RTKN2: variants seen among roughly 807,000 people sequenced by gnomAD.
The protein encoded by RTKN2 is rhotekin-2.
RTKN2 carries 69 observed loss-of-function variants against 71.5 expected under a neutral mutation model. The observed-to-expected ratio is 0.96, with a 90% CI of 0.79 to 1.18. The LOEUF is 1.18. Among genes scored for constraint, RTKN2 ranks in the 50% most tolerant of loss-of-function variants. The probability of loss-of-function intolerance (pLI) is 0.00; values close to 1 mark genes in which losing one functional copy is unlikely to be tolerated. For synonymous variants in RTKN2, 236 were observed against 236.5 expected (o/e 1.00, Z 0.02); for missense variants, 724 against 719.7 (o/e 1.01, Z -0.07).
In RTKN2 at chr10:62,197,185, A is replaced by G. The variant is rs1393432901; in HGVS notation, c.*723T>C. ...AATGGAAATTAGCACCACACACAGA[A>G]AATTGAATGTAAAGAGCATTTCATC... On this transcript the variant is annotated 3_prime_UTR_variant, in exon 12 of 12. Transcript: ENST00000373789. 3 of 985,524 alleles carry G rather than the reference A, an allele frequency of 3.0e-6. No individual in the cohort carries two copies. The African/African-American group carries it at 5.2e-5, about 17-fold the overall frequency. 61.0% of individuals were successfully genotyped at this position (985,524 alleles called of 1,614,324 possible). A position where few individuals can be genotyped will look rare whatever the true frequency, so the allele number is the denominator to read the frequency against.
downstream of RTKN2, among the ~76,000 whole-genome samples, chr10:62,192,240 G>A (rs1841234747): frequency 6.6e-6 from 1 of 152,144 alleles, no homozygotes; most frequent in African/African-American, 2.4e-5. Flanking sequence ...GGGGGCTACT[G>A]AGAGAATATG....
chr10:62,194,257 ACT>A lies in RTKN2; in HGVS notation c.*3649_*3650del. The A allele has an allele frequency of 2.0e-6, 2 of 984,926 alleles. No homozygotes were observed. The highest frequency in any genetic ancestry group is 2.4e-6 in the Non-Finnish European group (2 of 829,486). The allele number at this position is 984,926 out of a possible 1,614,324, so 61.0% of individuals were successfully genotyped here. ...AAAGGTAACATCTTTCCCAGAGTTA[ACT>A]AAGAACATCTATGATCCAGAATATG... On this transcript the variant is annotated 3_prime_UTR_variant, in exon 12 of 12. Coordinates refer to ENST00000373789, the MANE Select transcript of RTKN2 (RefSeq NM_145307.4).
chr10:62,242,287 T>C (rs1009215781), intron 3 of RTKN2, among the ~76,000 whole-genome samples: 14 of 152,190 alleles, frequency 9.2e-5, no homozygotes, highest in Non-Finnish European at 1.8e-4. Flanking sequence ...AAAATTTCCC[T>C]TTCCCAAGTG....
At chr10:62,200,018 T>C (rs1427302120) in intron 10 of RTKN2, among the ~76,000 whole-genome samples, 157 bp from the exon 11 acceptor site, 2 of 152,164 alleles carry the variant, frequency 1.3e-5, no homozygotes, top group Admixed American at 6.6e-5. Context: ...AAAAACCTAA[T>C]ACTATCCATA....
chr10:62,235,576 G>A (rs1413995510), intron 6 of RTKN2, among the ~76,000 whole-genome samples: 1 of 151,920 alleles, frequency 6.6e-6, no homozygotes, highest in Non-Finnish European at 1.5e-5. Flanking sequence ...TTCATGTGAT[G>A]TTTGAAGTCA....
intron 1 of RTKN2, among the ~76,000 whole-genome samples, chr10:62,265,248 C>G (rs1197664106): frequency 1.3e-5 from 2 of 151,988 alleles, no homozygotes; most frequent in African/African-American, 4.8e-5. Context: ...CTGGCTGGGA[C>G]CTGGTTTTGT....
At chr10:62,223,459 A>G in intron 6 of RTKN2, 127 bp from the exon 7 acceptor site, 2 of 585,084 alleles carry the variant, frequency 3.4e-6, no homozygotes, top group South Asian at 2.4e-5. Flanking sequence ...GTGAATAGAC[A>G]TTTCTCCAAA....
Position 62,193,778 on chromosome 10 carries a change from G to T in RTKN2, c.*4130C>A. ...TCTGGATCACTAAACTAAAAGTAAG[G>T]TTATGTCAATGGATTTTTAAAAGAG... On this transcript the variant is annotated 3_prime_UTR_variant, in exon 12 of 12. Transcript: ENST00000373789. 2.0e-6 allele frequency: 2 copies of T among 984,598 alleles called. No homozygotes were observed. Among genetic ancestry groups the T allele is most frequent in the Non-Finnish European group, 2.4e-6 (2 of 829,240 alleles). The allele number at this position is 984,598 out of a possible 1,614,324, so 61.0% of individuals were successfully genotyped here. A position where few individuals can be genotyped will look rare whatever the true frequency, so the allele number is the denominator to read the frequency against.
rs182177181 is a variant in RTKN2 at position 62,215,069 on chromosome 10, C to T, written c.1020+2049G>A. On this transcript the variant is annotated intron_variant, in intron 9 of 11. Transcript: ENST00000373789. ...TATGGCGAGTTGAATTCCTTCGAGA[C>T]TGTCTTCAAATAAAACTAATGACTT... is the stretch of plus-strand genomic sequence containing the variant. The T allele has an allele frequency of 8.2e-5, 125 of 1,520,870 alleles. No individual in the cohort carries two copies. In the African/African-American group the frequency reaches 1.6e-3, roughly 19 times the overall value. 94.2% of individuals were successfully genotyped at this position (1,520,870 alleles called of 1,614,324 possible). A position where few individuals can be genotyped will look rare whatever the true frequency, so the allele number is the denominator to read the frequency against.
At chr10:62,214,913 C>G (rs1841735293) in intron 9 of RTKN2, 1 of 516,188 alleles carries the variant, frequency 1.9e-6, no homozygotes, top group Admixed American at 4.0e-5. Context: ...AAAGGGTGAG[C>G]CATATAATTT....
At chr10:62,223,449 G>T (rs983660618) in intron 6 of RTKN2, 117 bp from the exon 7 acceptor site, 1 of 618,570 alleles carries the variant, frequency 1.6e-6, no homozygotes, top group Non-Finnish European at 2.9e-6. Context: ...AGCAAAGGAC[G>T]TGAATAGACA....
At chr10:62,211,379 A>G (rs1029734882) in intron 9 of RTKN2, among the ~76,000 whole-genome samples, 1 of 152,204 alleles carries the variant, frequency 6.6e-6, no homozygotes, top group Non-Finnish European at 1.5e-5. Context: ...AAAATTAATG[A>G]ACTAACTTAG....
At position 62,217,173 on chromosome 10, in the gene RTKN2, C is replaced by T. The variant is rs768994941; in HGVS notation, c.965G>A (p.Ser322Asn). Residue 322 changes from serine (S) to asparagine (N), a missense_variant, in exon 9 of 12, where the codon AGT becomes AAT. By Grantham distance (46) the Ser-to-Asn change is conservative (BLOSUM62 1). Coordinates refer to ENST00000373789, the MANE Select transcript of RTKN2 (RefSeq NM_145307.4). The stretch of plus-strand genomic sequence containing the variant: ...CACTTTAGCTTCAATTTCCTCTGGA[C>T]TGTAAAAACAATAGAGTTTACCTCC... ...LRGGKLYCFY[S>N]PEEIEAKVEP... 1 of 1,604,234 alleles carries T rather than the reference C, an allele frequency of 6.2e-7. No homozygotes were observed. Among genetic ancestry groups the T allele is most frequent in the African/African-American group, 1.3e-5 (1 of 74,208 alleles).
At chr10:62,215,389 C>G (rs1298592329) in intron 9 of RTKN2, among the ~76,000 whole-genome samples, 1 of 151,832 alleles carries the variant, frequency 6.6e-6, no homozygotes, top group Non-Finnish European at 1.5e-5. Context: ...GTGAAGGGCA[C>G]AATTTAGATG....
intron 11 of RTKN2, among the ~76,000 whole-genome samples, chr10:62,199,000 T>A (rs188138764): frequency 1.3e-5 from 2 of 152,200 alleles, no homozygotes; most frequent in Non-Finnish European, 2.9e-5. Flanking sequence ...AAAGCCCTCA[T>A]ACCACTTTGG....
chr10:62,266,938 G>T (rs1336966860), intron 1 of RTKN2, among the ~76,000 whole-genome samples: 4 of 152,232 alleles, frequency 2.6e-5, no homozygotes, highest in Non-Finnish European at 5.9e-5. Context: ...TATGCTGTGA[G>T]GAGTCGCAGA....
intron 3 of RTKN2, among the ~76,000 whole-genome samples, chr10:62,245,407 A>T (rs976629598): frequency 6.6e-6 from 1 of 152,202 alleles, no homozygotes; most frequent in East Asian, 1.9e-4. Flanking sequence ...TAAAGGCGAC[A>T]GCTTATGTTT....
At chr10:62,258,497 C>A (rs1564529771) in intron 2 of RTKN2, among the ~76,000 whole-genome samples, 1 of 152,126 alleles carries the variant, frequency 6.6e-6, no homozygotes, top group Non-Finnish European at 1.5e-5. Flanking sequence ...ATGATCATTT[C>A]TATGTCTGCC....
chr10:62,209,823 C>T (rs1432083447), intron 9 of RTKN2, among the ~76,000 whole-genome samples: 1 of 152,108 alleles, frequency 6.6e-6, no homozygotes, highest in African/African-American at 2.4e-5. Context: ...GCAGAGCATT[C>T]CATGGTGTAT....
Sources: allele counts gnomAD v4.1 joint callset (sites outside exome capture counted in the v4.1 genomes callset), GRCh38; gene constraint gnomAD v4.1.1; transcripts MANE v1.5; gene names NCBI Gene and HGNC (gene_info 2026-07-23, HGNC 2026-07-21).